RASSF9: variants seen among roughly 807,000 people sequenced by gnomAD.
RASSF9 encodes ras association domain-containing protein 9.
Under a neutral mutation model 21.4 loss-of-function variants are expected in RASSF9, and 18 were observed. That is an observed-to-expected ratio of 0.84 (90% CI 0.58 to 1.25). The LOEUF is 1.25. Among genes scored for constraint, RASSF9 ranks in the 50% most tolerant of loss-of-function variants. The pLI is 0.00. For missense variants in RASSF9, 480 were observed against 503.2 expected (o/e 0.95, Z 0.44); for synonymous variants, 183 against 179.1 (o/e 1.02, Z -0.18).
intron 1 of RASSF9, 91 bp from the exon 2 acceptor site, chr12:85,806,053 T>C (rs1879824859): frequency 1.4e-6 from 2 of 1,387,044 alleles, no homozygotes; most frequent in Non-Finnish European, 1.9e-6. Context: ...TCTAGATTTT[T>C]ACCCTTAATG....
chr12:85,805,592 A>T lies in RASSF9; in HGVS notation c.418T>A (p.Leu140Met), dbSNP rs1039748035. 23 of 1,613,634 alleles carry T rather than the reference A, an allele frequency of 1.4e-5. No individual in the cohort carries two copies. The highest frequency in any genetic ancestry group is 3.3e-4 in the Middle Eastern group (2 of 6,084). ...TAGTTTGCTGGGCTGAGCTCCCACA[A>T]TTTTTCTGTGTTTTGCACTAATTTG... ...EAKLVQNTEK[L>M]WELSPANYMK... The change falls in exon 2 of 2, where the codon TTG becomes ATG. Residue 140 changes from leucine (L) to methionine (M), a missense_variant. Physicochemically the swap from Leu to Met is conservative, Grantham distance 15 (BLOSUM62 2). Coordinates refer to ENST00000361228, the MANE Select transcript of RASSF9 (RefSeq NM_005447.4).
intron 1 of RASSF9, among the ~76,000 whole-genome samples, chr12:85,820,029 T>C (rs1435820888): frequency 1.3e-5 from 2 of 152,208 alleles, no homozygotes; most frequent in African/African-American, 4.8e-5. Context: ...ATTTGGAAAT[T>C]ATTTGGCTAC....
chr12:85,806,459 G>A (rs548718647), intron 1 of RASSF9, among the ~76,000 whole-genome samples: 34 of 150,330 alleles, frequency 2.3e-4, no homozygotes, highest in African/African-American at 8.3e-4. Flanking sequence ...GATCACCTGA[G>A]GTCAGGAGCT....
chr12:85,828,493 T>A (rs912335565), intron 1 of RASSF9, among the ~76,000 whole-genome samples: 3 of 152,138 alleles, frequency 2.0e-5, no homozygotes, highest in African/African-American at 7.2e-5. Flanking sequence ...ACACTTACTA[T>A]GTACCCACAA....
intron 1 of RASSF9, among the ~76,000 whole-genome samples, chr12:85,827,020 A>T (rs1163034860): frequency 6.6e-6 from 1 of 152,072 alleles, no homozygotes; most frequent in Non-Finnish European, 1.5e-5. Context: ...TTTAGATTCT[A>T]GTATAGACGC....
In RASSF9 at chr12:85,805,807, C is replaced by T. The variant is rs200958553; in HGVS notation, c.203G>A (p.Arg68Gln). 1.9e-6 allele frequency: 3 copies of T among 1,613,882 alleles called. No homozygotes were observed. Among genetic ancestry groups the T allele is most frequent in the South Asian group, 1.1e-5 (1 of 91,086 alleles). Residue 68 changes from arginine (R) to glutamine (Q), a missense_variant, in exon 2 of 2, where the codon CGA becomes CAA. Coordinates refer to ENST00000361228, the MANE Select transcript of RASSF9 (RefSeq NM_005447.4). Reference protein sequence around the residue: ...EEHEATFGEKRFLLGKPSDYC... With the variant: ...EEHEATFGEKQFLLGKPSDYC... ...ATCACTGGGCTTCCCCAGAAGAAAT[C>T]GTTTCTCTCCAAACGTAGCCTCATG... is the stretch of plus-strand genomic sequence containing the variant.
rs1880056320 is a variant in RASSF9 at position 85,816,028 on chromosome 12, T to A, written c.48-10066A>T. 2.0e-5 allele frequency among the ~76,000 whole-genome samples: 3 copies of A among 151,824 alleles called. No homozygotes were observed. The South Asian group carries it at 6.2e-4, about 32-fold the overall frequency. On this transcript the variant is annotated intron_variant, in intron 1 of 1. Transcript: ENST00000361228. Reference sequence around the variant, plus strand: ...TACAAGGATATGAATATAAATGGAGTCCATTATCCTGGGCAAACTAACAGA... The same window carrying A: ...TACAAGGATATGAATATAAATGGAGACCATTATCCTGGGCAAACTAACAGA...
intron 1 of RASSF9, among the ~76,000 whole-genome samples, chr12:85,835,331 G>C (rs1245064053): frequency 1.3e-5 from 2 of 151,910 alleles, no homozygotes; most frequent in Non-Finnish European, 2.9e-5. Context: ...TCAAGTTTTT[G>C]GCATGAAAAC....
chr12:85,821,775 C>A (rs1219288832), intron 1 of RASSF9, among the ~76,000 whole-genome samples: 10 of 152,080 alleles, frequency 6.6e-5, no homozygotes, highest in Non-Finnish European at 1.0e-4. Flanking sequence ...AAACCCTAGA[C>A]ATTCCATAGT....
intron 1 of RASSF9, among the ~76,000 whole-genome samples, chr12:85,832,201 T>C (rs11117047): frequency 0.037 from 5,643 of 151,996 alleles, 348 homozygotes; most frequent in African/African-American, 0.13. Flanking sequence ...TATTTTTATA[T>C]TCATTATTTT....
At chr12:85,832,248 T>A (rs1164282205) in intron 1 of RASSF9, among the ~76,000 whole-genome samples, 1 of 151,934 alleles carries the variant, frequency 6.6e-6, no homozygotes, top group Non-Finnish European at 1.5e-5. Flanking sequence ...TATTCTAATT[T>A]CCTATTTTGA....
intron 1 of RASSF9, among the ~76,000 whole-genome samples, chr12:85,810,023 TACAATCATTCAAACAGA>T (rs1435115584): frequency 6.6e-6 from 1 of 152,022 alleles, no homozygotes; most frequent in Non-Finnish European, 1.5e-5. Flanking sequence ...GGGGAAATTT[TACAATCATTCAAACAGA>T]ACAATTTTTA....
intron 1 of RASSF9, among the ~76,000 whole-genome samples, chr12:85,824,981 G>C (rs61930074): frequency 0.35 from 52,640 of 151,792 alleles, 9,601 homozygotes; most frequent in African/African-American, 0.4. Flanking sequence ...CCCACAAACC[G>C]AAATGGAAAT....
rs1393131530 is a variant in RASSF9, at chr12:85,803,563, G to A, written c.*1139C>T. On this transcript the variant is annotated 3_prime_UTR_variant, in exon 2 of 2. Coordinates refer to ENST00000361228, the MANE Select transcript of RASSF9 (RefSeq NM_005447.4). ...AAATAAGAAGAAAGTAAGCAAAGAA[G>A]GGAGAGAGAAGAAAGCACATTTCTA... 6.6e-6 allele frequency: 1 copy of A among 152,070 alleles called. No individual in the cohort carries two copies. Among genetic ancestry groups the A allele is most frequent in the African/African-American group, 2.4e-5 (1 of 41,410 alleles). The allele number at this position is 152,070 out of a possible 1,614,324, so 9.4% of individuals were successfully genotyped here. A position where few individuals can be genotyped will look rare whatever the true frequency, so the allele number is the denominator to read the frequency against.
At position 85,836,213 on chromosome 12, in the gene RASSF9, C is replaced by T. The variant is rs1880560752; in HGVS notation, c.-12G>A. 1.3e-6 allele frequency: 1 copy of T among 779,222 alleles called. No homozygotes were observed. The highest frequency in any genetic ancestry group is 2.2e-5 in the African/African-American group (1 of 44,616). 48.3% of individuals were successfully genotyped at this position (779,222 alleles called of 1,614,324 possible). ...CCAAAGGGAGCCATGGTCTGTCGGGCAAACGAATAAAGAAATTATCTTAAA... is the reference window on the plus strand; with the variant it reads ...CCAAAGGGAGCCATGGTCTGTCGGGTAAACGAATAAAGAAATTATCTTAAA... On this transcript the variant is annotated 5_prime_UTR_variant, in exon 1 of 2. Coordinates refer to ENST00000361228, the MANE Select transcript of RASSF9 (RefSeq NM_005447.4).
intron 1 of RASSF9, among the ~76,000 whole-genome samples, chr12:85,817,176 G>A (rs1880090450): frequency 6.6e-6 from 1 of 152,022 alleles, no homozygotes; most frequent in Non-Finnish European, 1.5e-5. Context: ...TCCAGAAATT[G>A]TAAACTTGTA....
intron 1 of RASSF9, among the ~76,000 whole-genome samples, chr12:85,824,632 C>T (rs1006753863): frequency 5.3e-5 from 8 of 152,152 alleles, no homozygotes; most frequent in African/African-American, 1.9e-4. Flanking sequence ...ATCCCACTAT[C>T]TCTTGTCTGC....
chr12:85,808,705 T>C (rs1470958905), intron 1 of RASSF9, among the ~76,000 whole-genome samples: 2 of 150,964 alleles, frequency 1.3e-5, no homozygotes, highest in Non-Finnish European at 3.0e-5. Context: ...TAACATTTTT[T>C]GTACCACATA....
chr12:85,828,068 T>C (rs1880370945), intron 1 of RASSF9, among the ~76,000 whole-genome samples: 1 of 152,184 alleles, frequency 6.6e-6, no homozygotes, highest in Admixed American at 6.5e-5. Flanking sequence ...ATTTCAATTG[T>C]TTACATATGG....
Sources: allele counts gnomAD v4.1 joint callset (sites outside exome capture counted in the v4.1 genomes callset), GRCh38; gene constraint gnomAD v4.1.1; transcripts MANE v1.5; gene names NCBI Gene and HGNC (gene_info 2026-07-23, HGNC 2026-07-21).